TTLL7: variants seen among roughly 807,000 people sequenced by gnomAD.
TTLL7 encodes the protein tubulin tyrosine ligase like 7, also known as tubulin polyglutamylase TTLL7.
A neutral mutation model predicts 120.2 loss-of-function variants in TTLL7; 53 were observed. That is an observed-to-expected ratio of 0.44 (90% CI 0.35 to 0.55). The LOEUF is 0.55. TTLL7 is among the 20% of genes least tolerant of loss of function. The probability of loss-of-function intolerance (pLI) is 0.00; values close to 1 mark genes in which losing one functional copy is unlikely to be tolerated. For missense variants in TTLL7, 803 were observed against 1,054.7 expected, an observed-to-expected ratio of 0.76 and a Z score of 3.31; for synonymous variants, 353 against 351.7, an observed-to-expected ratio of 1.00 and a Z score of -0.04.
At chr1:83,936,334 G>A (rs935156894) in intron 8 of TTLL7, among the ~76,000 whole-genome samples, 1 of 152,012 alleles carries the variant, frequency 6.6e-6, no homozygotes, top group Non-Finnish European at 1.5e-5. Context: ...AAATCCAAAT[G>A]AGGGTTACAA....
chr1:83,923,943 G>A (rs566515252), intron 10 of TTLL7, among the ~76,000 whole-genome samples: 8 of 152,066 alleles, frequency 5.3e-5, no homozygotes, highest in East Asian at 1.9e-4. Context: ...CTTGCTTCAC[G>A]TGCTGTATAC....
At chr1:83,982,619 G>C (rs1221634277) in intron 1 of TTLL7, among the ~76,000 whole-genome samples, 2 of 152,112 alleles carry the variant, frequency 1.3e-5, no homozygotes, top group African/African-American at 4.8e-5. Context: ...TCGCTACAGG[G>C]AGAACTATGA....
In TTLL7 at chr1:83,883,033, C is replaced by T. The variant is rs1654650762; in HGVS notation, c.2473G>A (p.Val825Met). The T allele has an allele frequency of 6.2e-7, 1 of 1,612,696 alleles. No individual in the cohort carries two copies. The highest frequency in any genetic ancestry group is 1.7e-5 in the Admixed American group (1 of 59,844). Residue 825 changes from valine to methionine, a missense_variant, in exon 20 of 21, where the codon GTG becomes ATG. By Grantham distance (21) the Val-to-Met change is conservative. Coordinates refer to ENST00000260505, the MANE Select transcript of TTLL7 (RefSeq NM_024686.6). ...LVELCKQCLL[V>M]VYKYATDKRG... is the part of the protein sequence containing the mutation. ...TTGTCAGTTGCATATTTGTAAACCA[C>T]TAGCAGGCACTGTTTACAAAGCTCC...
At chr1:83,947,956 C>T (rs553666975) in intron 5 of TTLL7, among the ~76,000 whole-genome samples, 1 of 152,036 alleles carries the variant, frequency 6.6e-6, no homozygotes, top group East Asian at 1.9e-4. Context: ...TATAAACTGC[C>T]TAAAAATTTT....
At chr1:83,992,596 C>G (rs1476726661) in intron 1 of TTLL7, among the ~76,000 whole-genome samples, 4 of 151,952 alleles carry the variant, frequency 2.6e-5, no homozygotes, top group African/African-American at 7.3e-5. Flanking sequence ...GCTAATTCTG[C>G]CTTGCTTTTT....
intron 1 of TTLL7, among the ~76,000 whole-genome samples, chr1:83,952,979 T>C (rs1453709282): frequency 1.3e-5 from 2 of 152,136 alleles, no homozygotes; most frequent in East Asian, 3.8e-4. Context: ...GTTGACAGAA[T>C]GCAGAGAAGT....
At chr1:83,991,446 G>A (rs1349689142) in intron 1 of TTLL7, among the ~76,000 whole-genome samples, 1 of 152,088 alleles carries the variant, frequency 6.6e-6, no homozygotes, top group Non-Finnish European at 1.5e-5. Flanking sequence ...AGGAGTTTGA[G>A]ACCAGCTTGG....
chr1:83,930,614 C>A (rs1404392505), intron 9 of TTLL7, among the ~76,000 whole-genome samples: 6 of 152,146 alleles, frequency 3.9e-5, no homozygotes, highest in Non-Finnish European at 7.4e-5. Context: ...CATACTGATT[C>A]AAATTTCTGG....
intron 19 of TTLL7, among the ~76,000 whole-genome samples, chr1:83,886,870 T>C (rs184709830): frequency 4.6e-5 from 7 of 152,132 alleles, no homozygotes; most frequent in African/African-American, 7.2e-5. Context: ...TTGAGTCCCA[T>C]AGAACCTCAG....
chr1:83,926,570 G>A (rs548336028), intron 10 of TTLL7, among the ~76,000 whole-genome samples: 64 of 152,158 alleles, frequency 4.2e-4, no homozygotes, highest in Non-Finnish European at 6.6e-4. Flanking sequence ...AGGGAGCAGA[G>A]TGTAAGAGAA....
intron 3 of TTLL7, 113 bp downstream of exon 3, chr1:83,951,732 A>T: frequency 8.2e-7 from 1 of 1,217,846 alleles, no homozygotes; most frequent in South Asian, 1.8e-5. Flanking sequence ...GGCATTTAAA[A>T]ATCCATTATA....
rs147347233 is a variant in TTLL7, at chr1:83,991,259, T to A, written c.-177+7672A>T. On this transcript the variant is annotated intron_variant, in intron 1 of 20. Coordinates refer to ENST00000260505, the MANE Select transcript of TTLL7 (RefSeq NM_024686.6). ...AGTATAGAGTTTGAGGTTTACCAGA[T>A]GAAAATGTTCTGAAGGTCGTTTCAC... Among the ~76,000 whole-genome samples the A allele has an allele frequency of 4.7e-3, 722 of 152,282 alleles. 13 individuals carry two copies. The highest frequency in any genetic ancestry group is 0.017 in the Middle Eastern group (5 of 294).
Position 83,952,173 on chromosome 1 carries a change from G to A in TTLL7, c.25+14C>T. The A allele has an allele frequency of 6.2e-7, 1 of 1,612,718 alleles. No individual in the cohort carries two copies. The highest frequency in any genetic ancestry group is 8.5e-7 in the Non-Finnish European group (1 of 1,178,956). Reference sequence around the variant, plus strand: ...CCTCCATATTTTGTAACATAGTTAAGTCAATTTCCCTACCTCCTTCTTGAG... The same window carrying A: ...CCTCCATATTTTGTAACATAGTTAAATCAATTTCCCTACCTCCTTCTTGAG... On this transcript the variant is annotated intron_variant, in intron 2 of 20. Transcript: ENST00000260505.
chr1:83,940,790 T>A (rs1197334365), intron 7 of TTLL7, among the ~76,000 whole-genome samples: 1 of 152,158 alleles, frequency 6.6e-6, no homozygotes, highest in Non-Finnish European at 1.5e-5. Context: ...TAACTTCTTG[T>A]CTCTCTTACT....
chr1:83,995,484 T>C (rs1013548605), intron 1 of TTLL7, among the ~76,000 whole-genome samples: 1 of 151,868 alleles, frequency 6.6e-6, no homozygotes, highest in Non-Finnish European at 1.5e-5. Context: ...TGCTTTCTGC[T>C]ATGTGACGTG....
Position 83,869,101 on chromosome 1 carries a change from A to C in TTLL7, c.*861T>G, listed in dbSNP as rs1332322074. The C allele has an allele frequency of 2.0e-5, 3 of 151,552 alleles. No individual in the cohort carries two copies. The highest frequency in any genetic ancestry group is 4.9e-5 in the African/African-American group (2 of 41,226). The allele number at this position is 151,552 out of a possible 1,614,324, so 9.4% of individuals were successfully genotyped here. A position where few individuals can be genotyped will look rare whatever the true frequency, so the allele number is the denominator to read the frequency against. On this transcript the variant is annotated 3_prime_UTR_variant, in exon 21 of 21. Coordinates refer to ENST00000260505, the MANE Select transcript of TTLL7 (RefSeq NM_024686.6). Reference sequence around the variant, plus strand: ...AGTGATTCTCCTGTCTCAGCCGCCCAAGTAGCTGGGATTACAAGCACTTAC... The same window carrying C: ...AGTGATTCTCCTGTCTCAGCCGCCCCAGTAGCTGGGATTACAAGCACTTAC...
intron 1 of TTLL7, among the ~76,000 whole-genome samples, chr1:83,994,445 G>GGGCC (rs951603113): frequency 3.3e-4 from 51 of 152,278 alleles, no homozygotes; most frequent in African/African-American, 1.2e-3. Flanking sequence ...GTCCAACACT[G>GGGCC]GGCCCCTGCC....
intron 20 of TTLL7, 150 bp from the exon 21 acceptor site, chr1:83,870,232 C>A (rs1653238156): frequency 4.3e-6 from 3 of 704,518 alleles, no homozygotes; most frequent in Non-Finnish European, 6.4e-6. Context: ...CTCCTCCAGA[C>A]TGTAGGAAAG....
chr1:83,911,442 T>G, intron 14 of TTLL7, 79 bp from the exon 15 acceptor site: 1 of 1,153,496 alleles, frequency 8.7e-7, no homozygotes, highest in East Asian at 2.5e-5. Flanking sequence ...TATTTTTAAT[T>G]TCCCCCTATG....
Sources: allele counts gnomAD v4.1 joint callset (sites outside exome capture counted in the v4.1 genomes callset), GRCh38; gene constraint gnomAD v4.1.1; transcripts MANE v1.5; gene names NCBI Gene and HGNC (gene_info 2026-07-23, HGNC 2026-07-21).